Variants in MAP2K6 observed in about 807,000 individuals in gnomAD.
The protein encoded by MAP2K6 is mitogen-activated protein kinase kinase 6, also known as dual specificity mitogen-activated protein kinase kinase 6.
A neutral mutation model predicts 53.7 loss-of-function variants in MAP2K6; 16 were observed. The observed-to-expected ratio is 0.30, with a 90% confidence interval of 0.20 to 0.45. The LOEUF is 0.45. Ranked by LOEUF, MAP2K6 falls within the 20% of genes least tolerant of loss-of-function variation. The pLI is 1.00. For missense variants in MAP2K6, 204 were observed against 411.9 expected, an observed-to-expected ratio of 0.50 and a Z score of 4.37; for synonymous variants, 132 against 143.1, an observed-to-expected ratio of 0.92 and a Z score of 0.55.
At chr17:69,422,951 T>G (rs767522932) in intron 1 of MAP2K6, among the ~76,000 whole-genome samples, 1 of 152,206 alleles carries the variant, frequency 6.6e-6, no homozygotes, top group African/African-American at 2.4e-5. Flanking sequence ...TGGCGCGATC[T>G]TGGCTCACTG....
intron 2 of MAP2K6, 136 bp downstream of exon 2, chr17:69,505,982 C>G: frequency 1.5e-6 from 1 of 664,926 alleles, no homozygotes; most frequent in Admixed American, 2.8e-5. Flanking sequence ...GCTCACTGTT[C>G]TGAGACCTGA....
rs779522090 is a variant in MAP2K6, at chr17:69,544,661, T to C, written c.*2908T>C. ...TTGTATCATATAATTGTCCATGTTA[T>C]AATTTTTGAAAATGTTTATTAAAAT... is the stretch of plus-strand genomic sequence containing the variant. On this transcript the variant is annotated 3_prime_UTR_variant, in exon 12 of 12. Transcript: ENST00000590474. The C allele has an allele frequency of 6.6e-6, 1 of 152,250 alleles. No individual in the cohort carries two copies. Among genetic ancestry groups the C allele is most frequent in the Non-Finnish European group, 1.5e-5 (1 of 68,044 alleles). 9.4% of individuals were successfully genotyped at this position (152,250 alleles called of 1,614,324 possible). A position where few individuals can be genotyped will look rare whatever the true frequency, so the allele number is the denominator to read the frequency against.
chr17:69,450,528 G>A (rs1169943131), intron 1 of MAP2K6, among the ~76,000 whole-genome samples: 1 of 152,162 alleles, frequency 6.6e-6, no homozygotes, highest in Non-Finnish European at 1.5e-5. Flanking sequence ...TGAAGCCTTA[G>A]AGGTCATGCC....
At chr17:69,492,670 A>G (rs1908796153) in intron 1 of MAP2K6, among the ~76,000 whole-genome samples, 1 of 152,168 alleles carries the variant, frequency 6.6e-6, no homozygotes, top group African/African-American at 2.4e-5. Context: ...TCTCTGACTC[A>G]GCCTTCGCCT....
chr17:69,519,701 C>T, intron 5 of MAP2K6: 3 of 390,960 alleles, frequency 7.7e-6, no homozygotes, highest in South Asian at 6.1e-5. Context: ...CTTTCTATAT[C>T]GCCTATAGAC....
chr17:69,522,659 A>G (rs1910538060), intron 7 of MAP2K6, among the ~76,000 whole-genome samples: 1 of 152,132 alleles, frequency 6.6e-6, no homozygotes, highest in Admixed American at 6.5e-5. Flanking sequence ...GGTCTGTAAT[A>G]CTGCTTCTTC....
chr17:69,423,179 G>A (rs1416096404), intron 1 of MAP2K6, among the ~76,000 whole-genome samples: 8 of 152,124 alleles, frequency 5.3e-5, no homozygotes, highest in African/African-American at 9.7e-5. Flanking sequence ...CATCGTGCCC[G>A]GCCAAGCCTC....
intron 10 of MAP2K6, among the ~76,000 whole-genome samples, chr17:69,532,815 A>G (rs1038263648): frequency 6.6e-6 from 1 of 152,200 alleles, no homozygotes; most frequent in Non-Finnish European, 1.5e-5. Context: ...TGAGTCAAGG[A>G]ATAGCCTATT....
intron 1 of MAP2K6, among the ~76,000 whole-genome samples, chr17:69,492,721 CT>C (rs1488676043): frequency 6.6e-6 from 1 of 152,200 alleles, no homozygotes; most frequent in African/African-American, 2.4e-5. Context: ...CCCTCTGCCC[CT>C]CTGTGTAAGG....
intron 10 of MAP2K6, among the ~76,000 whole-genome samples, chr17:69,529,479 C>T (rs996747959): frequency 1.6e-4 from 24 of 149,862 alleles, no homozygotes; most frequent in African/African-American, 5.1e-4. Context: ...TTAAAATGAA[C>T]ATCTTGAGAA....
chr17:69,506,368 C>T lies in MAP2K6; in HGVS notation c.83+522C>T, dbSNP rs537199285. Among the ~76,000 whole-genome samples the T allele has an allele frequency of 7.9e-5, 12 of 151,290 alleles. 1 individual carries two copies. The highest frequency in any genetic ancestry group is 1.7e-4 in the African/African-American group (7 of 41,210). On this transcript the variant is annotated intron_variant, in intron 2 of 11. Transcript: ENST00000590474. ...CAGCTCAAGTCCTAGTGAAGGACAT[C>T]GTGTAAATGACATCCTCTCTGTGAG...
intron 1 of MAP2K6, among the ~76,000 whole-genome samples, chr17:69,421,808 G>T (rs1906091777): frequency 6.6e-6 from 1 of 152,014 alleles, no homozygotes. Context: ...CTCCCAAAGT[G>T]CTGGGATTAC....
chr17:69,502,603 T>C (rs755650600), intron 1 of MAP2K6: 15 of 985,404 alleles, frequency 1.5e-5, no homozygotes, highest in Non-Finnish European at 1.8e-5. Context: ...GATATGCAGA[T>C]GTCCAACTTA....
chr17:69,434,883 T>A (rs1206712966), intron 1 of MAP2K6: 2 of 152,192 alleles, frequency 1.3e-5, no homozygotes. Flanking sequence ...GGTCACTACA[T>A]ACTATTATTT....
intron 3 of MAP2K6, 101 bp downstream of exon 3, chr17:69,517,004 G>A: frequency 2.2e-6 from 2 of 918,856 alleles, no homozygotes; most frequent in South Asian, 1.6e-5. Context: ...CAGGGGATGA[G>A]TCAAAAAAAG....
At chr17:69,441,477 G>T (rs1906816948) in intron 1 of MAP2K6, among the ~76,000 whole-genome samples, 1 of 151,966 alleles carries the variant, frequency 6.6e-6, no homozygotes, top group African/African-American at 2.4e-5. Flanking sequence ...TTTTCCATTT[G>T]GTTCTTCTTT....
intron 1 of MAP2K6, among the ~76,000 whole-genome samples, chr17:69,449,603 C>T (rs1396286445): frequency 1.7e-4 from 17 of 103,004 alleles, no homozygotes; most frequent in Admixed American, 3.1e-4. Flanking sequence ...TTCTTTCTTT[C>T]TCTCTCTTTT....
At chr17:69,527,906 A>C (rs562405247) in intron 10 of MAP2K6, among the ~76,000 whole-genome samples, 2 of 152,250 alleles carry the variant, frequency 1.3e-5, no homozygotes, top group East Asian at 3.9e-4. Flanking sequence ...ACCTGAGGTC[A>C]GGAGTTCAAG....
At position 69,496,983 on chromosome 17, in the gene MAP2K6, C is replaced by CTACTAT. The variant is rs148350128; in HGVS notation, c.17-8785_17-8780dup. Among the ~76,000 whole-genome samples the CTACTAT allele has an allele frequency of 3.4e-3, 516 of 152,264 alleles. 2 individuals are homozygous for CTACTAT. The highest frequency in any genetic ancestry group is 0.011 in the African/African-American group (476 of 41,532). ...ACTACTATTACTAGTAGCAATACTT[C>CTACTAT]TACTATTACTATTACTACTTCCAGT... is the stretch of plus-strand genomic sequence containing the variant. On this transcript the variant is annotated intron_variant, in intron 1 of 11. Coordinates refer to ENST00000590474, the MANE Select transcript of MAP2K6 (RefSeq NM_002758.4).
Sources: allele counts gnomAD v4.1 joint callset (sites outside exome capture counted in the v4.1 genomes callset), GRCh38; gene constraint gnomAD v4.1.1; transcripts MANE v1.5; gene names NCBI Gene and HGNC (gene_info 2026-07-23, HGNC 2026-07-21).